The following CCDC39 variants were observed in gnomAD, a reference collection of about 807,000 sequenced individuals.
CCDC39 encodes coiled-coil domain-containing protein 39.
A neutral mutation model predicts 121.0 loss-of-function variants in CCDC39; 113 were observed. That is an observed-to-expected ratio of 0.93 (90% CI 0.80 to 1.09). The LOEUF is 1.09. Ranked by LOEUF, CCDC39 falls within the 50% of genes least tolerant of loss-of-function variation. CCDC39 has a pLI of 0.00. For missense variants in CCDC39, 1,063 were observed against 1,074.7 expected (o/e 0.99, Z 0.15); for synonymous variants, 349 against 352.2 (o/e 0.99, Z 0.10).
At position 180,623,831 on chromosome 3, in the gene CCDC39, A is replaced by AT. The variant is rs569893967; in HGVS notation, c.1999-3862dup. Among the ~76,000 whole-genome samples, 794 of 146,432 alleles carry AT rather than the reference A, an allele frequency of 5.4e-3. 8 individuals carry two copies. Among genetic ancestry groups the AT allele is most frequent in the African/African-American group, 0.013 (532 of 39,548 alleles). Reference sequence around the variant, plus strand: ...GTGGTCTGAGAAGATTTTTTTTTTTATTTTTTTTGAGACTTGTTTTCTGGC... The same window carrying AT: ...GTGGTCTGAGAAGATTTTTTTTTTTATTTTTTTTTGAGACTTGTTTTCTGGC... On this transcript the variant is annotated intron_variant, in intron 14 of 19. Transcript: ENST00000476379.
chr3:180,643,776 T>G (rs1718012319), intron 12 of CCDC39, among the ~76,000 whole-genome samples: 1 of 152,136 alleles, frequency 6.6e-6, no homozygotes, highest in African/African-American at 2.4e-5. Flanking sequence ...CTATTTACAA[T>G]AGCCAAGCAT....
intron 4 of CCDC39, 42 bp downstream of exon 4, chr3:180,660,528 G>C (rs1406409563): frequency 6.7e-7 from 1 of 1,498,568 alleles, no homozygotes; most frequent in Non-Finnish European, 9.0e-7. Context: ...ACATACTACA[G>C]AGTTAGAGAA....
At chr3:180,662,877 C>T (rs1312204951) in intron 2 of CCDC39, among the ~76,000 whole-genome samples, 1 of 151,878 alleles carries the variant, frequency 6.6e-6, no homozygotes. Context: ...TTTTTTGAAA[C>T]TACATACTAT....
chr3:180,615,853 T>A (rs1434049820), intron 19 of CCDC39, among the ~76,000 whole-genome samples: 2 of 152,154 alleles, frequency 1.3e-5, no homozygotes, highest in Non-Finnish European at 2.9e-5. Context: ...TAAAGTCAAA[T>A]CCTGATTATG....
At chr3:180,616,764 A>G in intron 17 of CCDC39, 62 bp downstream of exon 17, 1 of 1,582,866 alleles carries the variant, frequency 6.3e-7, no homozygotes, top group Non-Finnish European at 8.6e-7. Context: ...TAATAGATGA[A>G]GGAGGATTTG....
intron 7 of CCDC39, among the ~76,000 whole-genome samples, chr3:180,654,241 AAGAG>A (rs200624446): frequency 7.5e-6 from 1 of 132,766 alleles, no homozygotes; most frequent in Non-Finnish European, 1.5e-5. Context: ...AAAAAAAAAA[AAGAG>A]AGAAAGAAAT....
At chr3:180,630,636 A>T (rs1717670092) in intron 14 of CCDC39, among the ~76,000 whole-genome samples, 1 of 152,160 alleles carries the variant, frequency 6.6e-6, no homozygotes, top group South Asian at 2.1e-4. Flanking sequence ...ACCTTTCTGT[A>T]AAGGAAATTA....
At chr3:180,628,848 A>G (rs1012293530) in intron 14 of CCDC39, among the ~76,000 whole-genome samples, 8 of 152,176 alleles carry the variant, frequency 5.3e-5, no homozygotes, top group Admixed American at 3.3e-4. Flanking sequence ...TCAAATTCCT[A>G]TTACCCACAG....
chr3:180,620,239 G>T (rs866984777), intron 14 of CCDC39, among the ~76,000 whole-genome samples: 1 of 151,784 alleles, frequency 6.6e-6, no homozygotes, highest in South Asian at 2.1e-4. Context: ...AAAATTTCCA[G>T]CAAAAATTGC....
At chr3:180,626,909 C>T (rs1717577132) in intron 14 of CCDC39, among the ~76,000 whole-genome samples, 2 of 152,158 alleles carry the variant, frequency 1.3e-5, no homozygotes, top group African/African-American at 4.8e-5. Context: ...CTCAAAATGG[C>T]AAAATCCTAA....
In CCDC39 at chr3:180,663,920, T is replaced by G. The variant is rs778274253; in HGVS notation, c.157A>C (p.Asn53His). The G allele has an allele frequency of 5.0e-6, 8 of 1,611,654 alleles. No homozygotes were observed. The Admixed American group carries it at 1.3e-4, about 27-fold the overall frequency. The change falls in exon 2 of 20, where the codon AAT (asparagine) becomes CAT (histidine). Residue 53 changes from asparagine to histidine, a missense_variant. Coordinates refer to ENST00000476379, the MANE Select transcript of CCDC39 (RefSeq NM_181426.2). ...TTTTTGAAGTGAGAAGTCATAGAATTAATTCGCTCTTCATACTCACGTAAC... is the reference window on the plus strand; with the variant it reads ...TTTTTGAAGTGAGAAGTCATAGAATGAATTCGCTCTTCATACTCACGTAAC... ...DELREYEERI[N>H]SMTSHFKNVK...
chr3:180,640,667 A>C (rs1378912685), intron 13 of CCDC39, among the ~76,000 whole-genome samples: 1 of 152,074 alleles, frequency 6.6e-6, no homozygotes, highest in Admixed American at 6.5e-5. Context: ...AATAAATTTG[A>C]AATTTGGATA....
chr3:180,633,421 A>G (rs1717746751), intron 13 of CCDC39, among the ~76,000 whole-genome samples: 1 of 152,232 alleles, frequency 6.6e-6, no homozygotes, highest in Non-Finnish European at 1.5e-5. Flanking sequence ...AACACCCATA[A>G]AACAAGATGG....
Position 180,615,045 on chromosome 3 carries a change from T to C in CCDC39, c.2702A>G (p.Gln901Arg). 1 of 1,552,862 alleles carries C rather than the reference T, an allele frequency of 6.4e-7. No homozygotes were observed. The highest frequency in any genetic ancestry group is 8.7e-7 in the Non-Finnish European group (1 of 1,148,302). The change falls in exon 20 of 20, where the codon CAG becomes CGG. Residue 901 changes from glutamine to arginine, a missense_variant. Gln to Arg is a conservative substitution (Grantham distance 43). Transcript: ENST00000476379. ...AAGCTCCAGTACTTTAATTGAAGAC[T>C]GAGAAGTAGATGTACTTGTACTCCT... is the stretch of plus-strand genomic sequence containing the variant. ...SSRSTSTSTS[Q>R]SSIKVLELKF...
Position 180,614,856 on chromosome 3 carries a change from GT to G in CCDC39, c.*64del. 1 of 1,425,410 alleles carries G rather than the reference GT, an allele frequency of 7.0e-7. No homozygotes were observed. The highest frequency in any genetic ancestry group is 9.5e-7 in the Non-Finnish European group (1 of 1,050,890). The allele number at this position is 1,425,410 out of a possible 1,614,324, so 88.3% of individuals were successfully genotyped here. On this transcript the variant is annotated 3_prime_UTR_variant, in exon 20 of 20. Transcript: ENST00000476379. ...TCCACTAGATAAAATGTGTTGGGTC[GT>G]TTTGTATTTTAAAGTATATTTTTGT...
At chr3:180,658,137 G>C (rs1256506328) in intron 6 of CCDC39, among the ~76,000 whole-genome samples, 1 of 151,818 alleles carries the variant, frequency 6.6e-6, no homozygotes, top group African/African-American at 2.4e-5. Flanking sequence ...TACTTGGGAG[G>C]ATGAGGCAGG....
At chr3:180,671,961 C>G (rs1245361338) in intron 1 of CCDC39, among the ~76,000 whole-genome samples, 1 of 152,082 alleles carries the variant, frequency 6.6e-6, no homozygotes, top group African/African-American at 2.4e-5. Context: ...GGTGGCTACA[C>G]CAAACAACAG....
chr3:180,670,444 T>C (rs1421946361), intron 1 of CCDC39, among the ~76,000 whole-genome samples: 1 of 152,034 alleles, frequency 6.6e-6, no homozygotes, highest in Non-Finnish European at 1.5e-5. Context: ...TATCAAAGTA[T>C]TCTCACCTAC....
At chr3:180,623,569 C>T (rs1717484462) in intron 14 of CCDC39, among the ~76,000 whole-genome samples, 1 of 151,632 alleles carries the variant, frequency 6.6e-6, no homozygotes, top group South Asian at 2.1e-4. Flanking sequence ...GATCTTTCTA[C>T]ATTTTTGATA....
Sources: allele counts gnomAD v4.1 joint callset (sites outside exome capture counted in the v4.1 genomes callset), GRCh38; gene constraint gnomAD v4.1.1; transcripts MANE v1.5; gene names NCBI Gene and HGNC (gene_info 2026-07-23, HGNC 2026-07-21).